BRAF: variants seen among roughly 807,000 people sequenced by gnomAD.
The protein encoded by BRAF is B-Raf proto-oncogene, serine/threonine kinase.
Under a neutral mutation model 104.6 loss-of-function variants are expected in BRAF, and 16 were observed. That is an observed-to-expected ratio of 0.15 (90% CI 0.10 to 0.23). The LOEUF is 0.23. Among genes scored for constraint, BRAF ranks in the 10% least tolerant of loss-of-function variants. The probability of loss-of-function intolerance (pLI) is 1.00; values close to 1 mark genes in which losing one functional copy is unlikely to be tolerated. For synonymous variants in BRAF, 310 were observed against 341.6 expected, an observed-to-expected ratio of 0.91 and a Z score of 1.02; for missense variants, 541 against 937.3, an observed-to-expected ratio of 0.58 and a Z score of 5.52.
chr7:140,924,789 A>AGGCGGAGGCGGG lies in BRAF; in HGVS notation c.-87_-86insCCCGCCTCCGCC. ...GGAGAGCTGGGGGAGGCGGAGGCGG[A>AGGCGGAGGCGGG]GGCGGAGGCGGAGGAGCGGGGGGCG... On this transcript the variant is annotated 5_prime_UTR_variant, in exon 1 of 20. Transcript: ENST00000644969. The surrounding 1 kb of genome is among the most constrained non-coding windows in gnomAD (Gnocchi z 4.2). 1.5e-5 allele frequency: 7 copies of AGGCGGAGGCGGG among 467,698 alleles called. No individual in the cohort carries two copies. The highest frequency in any genetic ancestry group is 2.6e-5 in the Non-Finnish European group (7 of 266,012). The allele number at this position is 467,698 out of a possible 1,614,324, so 29.0% of individuals were successfully genotyped here. A position where few individuals can be genotyped will look rare whatever the true frequency, so the allele number is the denominator to read the frequency against.
Position 140,789,229 on chromosome 7 carries a change from A to C in BRAF, c.1141-1645T>G, listed in dbSNP as rs548710305. Among the ~76,000 whole-genome samples, 7 of 151,798 alleles carry C rather than the reference A, an allele frequency of 4.6e-5. No homozygotes were observed. In the East Asian group the frequency reaches 7.8e-4, roughly 17 times the overall value. The stretch of plus-strand genomic sequence containing the variant: ...ATCACAGAAAAAAAACAAAAAAAAA[A>C]CTATATATATATTTAGCTCTTTATA... On this transcript the variant is annotated intron_variant, in intron 8 of 19. Transcript: ENST00000644969.
intron 12 of BRAF, among the ~76,000 whole-genome samples, chr7:140,779,099 G>A (rs1033765619): frequency 3.3e-5 from 5 of 152,198 alleles, no homozygotes; most frequent in Non-Finnish European, 7.3e-5. Flanking sequence ...ACAATGTTGA[G>A]TGAAAAGGGC....
In BRAF at chr7:140,918,477, G is replaced by A. The variant is rs1387259788; in HGVS notation, c.138+6089C>T. 3.9e-5 allele frequency among the ~76,000 whole-genome samples: 6 copies of A among 152,144 alleles called. No individual in the cohort carries two copies. In the East Asian group the frequency reaches 9.6e-4, roughly 24 times the overall value. On this transcript the variant is annotated intron_variant, in intron 1 of 19. Transcript: ENST00000644969. ...CACTCACCTCCTGCGGTGTAGTCAG[G>A]TTCCTAACAGGTCACGGACTGGTAG...
chr7:140,903,028 G>A (rs577284504), intron 1 of BRAF, among the ~76,000 whole-genome samples: 11 of 150,946 alleles, frequency 7.3e-5, no homozygotes, highest in Non-Finnish European at 1.5e-4. Context: ...GGGTTCAAGC[G>A]ATTCTCCTGC....
chr7:140,803,391 AGCTG>A (rs1295769344), intron 5 of BRAF, among the ~76,000 whole-genome samples: 3 of 152,238 alleles, frequency 2.0e-5, no homozygotes, highest in Non-Finnish European at 4.4e-5. Context: ...AAAACAAAAT[AGCTG>A]ACAGAATCAG....
intron 1 of BRAF, among the ~76,000 whole-genome samples, chr7:140,859,873 G>A (rs940988073): frequency 1.3e-5 from 2 of 152,062 alleles, no homozygotes; most frequent in South Asian, 2.1e-4. Context: ...ATTTTTAGTA[G>A]AGACAGGATT....
intron 8 of BRAF, among the ~76,000 whole-genome samples, chr7:140,788,468 G>A (rs922243407): frequency 6.6e-6 from 1 of 152,066 alleles, no homozygotes; most frequent in Non-Finnish European, 1.5e-5. Context: ...CATGAAACAT[G>A]TTTATAGTAT....
At position 140,876,361 on chromosome 7, in the gene BRAF, C is replaced by T. The variant is rs561992632; in HGVS notation, c.139-26149G>A. Among the ~76,000 whole-genome samples the T allele has an allele frequency of 2.5e-4, 38 of 152,154 alleles. No individual in the cohort carries two copies. In the South Asian group the frequency reaches 4.1e-3, roughly 17 times the overall value. On this transcript the variant is annotated intron_variant, in intron 1 of 19. Coordinates refer to ENST00000644969, the MANE Select transcript of BRAF (RefSeq NM_001374258.1). ...CAACAGGTAAATTAAAACAGAATGG[C>T]TAAAAGTTGTTCAAACAATCTAAAA...
chr7:140,822,696 T>C (rs780179787), intron 3 of BRAF, among the ~76,000 whole-genome samples: 16 of 152,354 alleles, frequency 1.1e-4, no homozygotes, highest in Middle Eastern at 6.8e-3. Flanking sequence ...ATTTGGGTTA[T>C]TTCCAGTTTG....
At chr7:140,746,280 G>A (rs1340248778) in intron 17 of BRAF, among the ~76,000 whole-genome samples, 1 of 152,116 alleles carries the variant, frequency 6.6e-6, no homozygotes, top group Non-Finnish European at 1.5e-5. Flanking sequence ...ACTTAAGTGA[G>A]CACATTATTA....
intron 2 of BRAF, among the ~76,000 whole-genome samples, chr7:140,846,537 T>A (rs756795218): frequency 6.6e-6 from 1 of 152,006 alleles, no homozygotes; most frequent in Non-Finnish European, 1.5e-5. Context: ...AAATAGAGAT[T>A]TAGTGTTTAA....
chr7:140,750,212 G>C (rs1294136795), intron 16 of BRAF, among the ~76,000 whole-genome samples: 1 of 152,124 alleles, frequency 6.6e-6, no homozygotes, highest in Non-Finnish European at 1.5e-5. Context: ...TCATTTGGAA[G>C]GAATCGAAAT....
rs149715948 is a variant in BRAF at position 140,864,963 on chromosome 7, T to C, written c.139-14751A>G. 3.3e-3 allele frequency among the ~76,000 whole-genome samples: 500 copies of C among 152,298 alleles called. 3 individuals carry two copies. Among genetic ancestry groups the C allele is most frequent in the African/African-American group, 0.011 (476 of 41,558 alleles). ...AAGAGGACCAATGCAGACAAGTTTG[T>C]AGAATTGGTGGTGAAAAGATGACAA... On this transcript the variant is annotated intron_variant, in intron 1 of 19. Transcript: ENST00000644969.
chr7:140,870,784 T>C (rs1811489458), intron 1 of BRAF, among the ~76,000 whole-genome samples: 1 of 151,954 alleles, frequency 6.6e-6, no homozygotes, highest in Non-Finnish European at 1.5e-5. Flanking sequence ...AGGCAGTAAT[T>C]CTGGCTCACT....
Position 140,781,705 on chromosome 7 carries a change from C to A in BRAF, c.1435-12G>T, listed in dbSNP as rs1251505340. 2 of 1,610,704 alleles carry A rather than the reference C, an allele frequency of 1.2e-6. No homozygotes were observed. The highest frequency in any genetic ancestry group is 2.7e-5 in the African/African-American group (2 of 74,808). ...CTACCAAGTGTTTTCTTGATAAAAA[C>A]AGTAAAAAAGTCAAGTCAAGCCAAA... On this transcript the variant is annotated splice_polypyrimidine_tract_variant and intron_variant, in intron 11 of 19. Transcript: ENST00000644969.
At chr7:140,919,837 TTTTGTTTG>T (rs1554429863) in intron 1 of BRAF, among the ~76,000 whole-genome samples, 1 of 151,864 alleles carries the variant, frequency 6.6e-6, no homozygotes, top group Non-Finnish European at 1.5e-5. Flanking sequence ...TTTGTTTTTT[TTTTGTTTG>T]TTTGTTTGTT....
chr7:140,724,639 A>C lies in BRAF; in HGVS notation c.*1855T>G. 9.7e-7 allele frequency: 1 copy of C among 1,035,996 alleles called. No homozygotes were observed. The highest frequency in any genetic ancestry group is 1.2e-6 in the Non-Finnish European group (1 of 860,566). The allele number at this position is 1,035,996 out of a possible 1,614,324, so 64.2% of individuals were successfully genotyped here. On this transcript the variant is annotated 3_prime_UTR_variant, in exon 20 of 20. Transcript: ENST00000644969. The stretch of plus-strand genomic sequence containing the variant: ...TCTGAATACATGTATGTTAGCAAAA[A>C]TCTAATGGTAGTGAGCTTTTAGTGG...
chr7:140,755,263 A>AT (rs1471588780), intron 14 of BRAF, among the ~76,000 whole-genome samples: 4 of 152,196 alleles, frequency 2.6e-5, no homozygotes, highest in African/African-American at 7.2e-5. Flanking sequence ...AGTCAAGGTT[A>AT]TTTTTCTTAA....
chr7:140,818,987 C>A (rs1805184958), intron 3 of BRAF, among the ~76,000 whole-genome samples: 1 of 152,166 alleles, frequency 6.6e-6, no homozygotes, highest in Non-Finnish European at 1.5e-5. Flanking sequence ...TTCAGTATTT[C>A]CCTTTTGTGT....
Sources: allele counts gnomAD v4.1 joint callset (sites outside exome capture counted in the v4.1 genomes callset), GRCh38; gene constraint gnomAD v4.1.1; non-coding constraint Gnocchi (gnomAD v3.1); transcripts MANE v1.5; gene names NCBI Gene and HGNC (gene_info 2026-07-23, HGNC 2026-07-21).